CAMTA1: variants seen among roughly 807,000 people sequenced by gnomAD.
CAMTA1 encodes the protein calmodulin-binding transcription activator 1.
A neutral mutation model predicts 170.9 loss-of-function variants in CAMTA1; 27 were observed. That is an observed-to-expected ratio of 0.16 (90% CI 0.12 to 0.22). The LOEUF (loss-of-function observed/expected upper bound fraction) is 0.22. Ranked by LOEUF, CAMTA1 falls within the 10% of genes least tolerant of loss-of-function variation. The probability of loss-of-function intolerance (pLI) is 1.00; values close to 1 mark genes in which losing one functional copy is unlikely to be tolerated. For missense variants in CAMTA1, 1,619 were observed against 2,217.2 expected (o/e 0.73, Z 5.42); for synonymous variants, 833 against 891.5 (o/e 0.93, Z 1.17).
chr1:7,501,874 A>T (rs1289326510), intron 6 of CAMTA1, among the ~76,000 whole-genome samples: 2 of 152,116 alleles, frequency 1.3e-5, no homozygotes, highest in African/African-American at 4.8e-5. Flanking sequence ...CCGGCAGCTC[A>T]GTGGGGGCTC....
chr1:7,677,030 C>G (rs542477330), intron 10 of CAMTA1, among the ~76,000 whole-genome samples: 1 of 152,280 alleles, frequency 6.6e-6, no homozygotes, highest in Non-Finnish European at 1.5e-5. Context: ...CATCAGCATC[C>G]CCAGCTCAAC....
chr1:7,212,961 G>A (rs561025289), intron 4 of CAMTA1, among the ~76,000 whole-genome samples: 9 of 152,142 alleles, frequency 5.9e-5, no homozygotes, highest in Non-Finnish European at 1.3e-4. Flanking sequence ...TTTTATTGCT[G>A]AGTGATGTAC....
chr1:7,274,912 C>T (rs549880759), intron 5 of CAMTA1, among the ~76,000 whole-genome samples: 12 of 152,052 alleles, frequency 7.9e-5, no homozygotes, highest in South Asian at 6.2e-4. Context: ...GAGGCCAAAG[C>T]GGGCAAATCA....
intron 5 of CAMTA1, among the ~76,000 whole-genome samples, chr1:7,259,073 C>G (rs1667815113): frequency 6.6e-6 from 1 of 152,152 alleles, no homozygotes; most frequent in Non-Finnish European, 1.5e-5. Flanking sequence ...CACGCAGCAG[C>G]TCTGGTGAGG....
At chr1:7,284,291 C>T (rs940347825) in intron 5 of CAMTA1, among the ~76,000 whole-genome samples, 8 of 151,360 alleles carry the variant, frequency 5.3e-5, no homozygotes, top group African/African-American at 1.9e-4. Context: ...GCAACCTTTG[C>T]CTCCCGGGTT....
Position 7,124,516 on chromosome 1 carries a change from C to T in CAMTA1, c.302+33145C>T, listed in dbSNP as rs745309023. ...GGATGGCCCTTCTGCAATGGGAACT[C>T]GTGCCCTAGACGCTTATCCTCTATC... On this transcript the variant is annotated intron_variant, in intron 4 of 22. Coordinates refer to ENST00000303635, the MANE Select transcript of CAMTA1 (RefSeq NM_015215.4). 2.6e-5 allele frequency among the ~76,000 whole-genome samples: 4 copies of T among 152,240 alleles called. No homozygotes were observed. The South Asian group carries it at 6.2e-4, about 24-fold the overall frequency.
At chr1:6,812,319 G>A (rs539086697) in intron 1 of CAMTA1, among the ~76,000 whole-genome samples, 1 of 152,248 alleles carries the variant, frequency 6.6e-6, no homozygotes, top group South Asian at 2.1e-4. Flanking sequence ...ATGTCTTGGT[G>A]TCTCCATTTC....
intron 5 of CAMTA1, among the ~76,000 whole-genome samples, chr1:7,450,799 C>G (rs1038943922): frequency 1.3e-5 from 2 of 152,222 alleles, no homozygotes; most frequent in Non-Finnish European, 2.9e-5. Flanking sequence ...GCCCGCGGAC[C>G]CATCACAAGG....
intron 3 of CAMTA1, among the ~76,000 whole-genome samples, chr1:6,897,995 T>C (rs1449663461): frequency 1.3e-5 from 2 of 152,226 alleles, no homozygotes; most frequent in Non-Finnish European, 2.9e-5. Context: ...TTGCAGACAC[T>C]GTGTTTAGTG....
intron 5 of CAMTA1, among the ~76,000 whole-genome samples, chr1:7,447,332 A>G (rs1483609431): frequency 6.6e-6 from 1 of 150,476 alleles, no homozygotes; most frequent in African/African-American, 2.4e-5. Context: ...ATGGCATGAC[A>G]CCGTCTGGAG....
chr1:7,411,208 G>A (rs545034290), intron 5 of CAMTA1, among the ~76,000 whole-genome samples: 5 of 152,266 alleles, frequency 3.3e-5, no homozygotes, highest in South Asian at 2.1e-4. Flanking sequence ...TGGAGGGGCC[G>A]CGTCGGACCC....
At chr1:7,523,924 C>T (rs759914096) in intron 6 of CAMTA1, among the ~76,000 whole-genome samples, 2 of 151,268 alleles carry the variant, frequency 1.3e-5, no homozygotes, top group East Asian at 1.9e-4. Context: ...TTTTCTTGGC[C>T]GGGTGCAGTG....
At position 7,348,708 on chromosome 1, in the gene CAMTA1, G is replaced by C. The variant is rs907332085; in HGVS notation, c.438+99082G>C. Among the ~76,000 whole-genome samples the C allele has an allele frequency of 1.4e-3, 219 of 152,284 alleles. 1 individual carries two copies. The highest frequency in any genetic ancestry group is 4.8e-3 in the African/African-American group (198 of 41,540). Reference sequence around the variant, plus strand: ...GAACCTGGAGAAAAAGCAGCCACAGGGGGTGTTCGGCTTCAATCCAGGTCC... The same window carrying C: ...GAACCTGGAGAAAAAGCAGCCACAGCGGGTGTTCGGCTTCAATCCAGGTCC... On this transcript the variant is annotated intron_variant, in intron 5 of 22. Coordinates refer to ENST00000303635, the MANE Select transcript of CAMTA1 (RefSeq NM_015215.4).
intron 5 of CAMTA1, among the ~76,000 whole-genome samples, chr1:7,384,023 G>A (rs2087655744): frequency 6.6e-6 from 1 of 152,142 alleles, no homozygotes; most frequent in Non-Finnish European, 1.5e-5. Flanking sequence ...CCTTCCCACT[G>A]AAACACAGGA....
chr1:7,401,161 C>G (rs904608346), intron 5 of CAMTA1, among the ~76,000 whole-genome samples: 1 of 152,178 alleles, frequency 6.6e-6, no homozygotes, highest in African/African-American at 2.4e-5. Flanking sequence ...TGTCTATGAT[C>G]TGCTTTGCAT....
chr1:7,160,753 C>G (rs908571581), intron 4 of CAMTA1, among the ~76,000 whole-genome samples: 1 of 152,194 alleles, frequency 6.6e-6, no homozygotes, highest in Non-Finnish European at 1.5e-5. Flanking sequence ...AGTTTCAGAA[C>G]AGTAACCCCA....
chr1:7,331,236 C>CA (rs1320931475), intron 5 of CAMTA1, among the ~76,000 whole-genome samples: 2 of 152,100 alleles, frequency 1.3e-5, no homozygotes, highest in East Asian at 1.9e-4. Flanking sequence ...GAGACTCCAC[C>CA]AAAAAACAAA....
intron 6 of CAMTA1, among the ~76,000 whole-genome samples, chr1:7,477,741 G>T (rs1470598365): frequency 6.6e-6 from 1 of 152,172 alleles, no homozygotes; most frequent in South Asian, 2.1e-4. Context: ...TTTCTCAGAG[G>T]GTCCCCTTGC....
At chr1:6,842,727 G>T (rs1656365548) in intron 3 of CAMTA1, among the ~76,000 whole-genome samples, 1 of 152,168 alleles carries the variant, frequency 6.6e-6, no homozygotes, top group South Asian at 2.1e-4. Flanking sequence ...TTCGAGACCA[G>T]CCTGGCCAAC....
Sources: gnomAD v4.1 joint callset for allele counts (sites outside exome capture counted in the v4.1 genomes callset) on GRCh38, gnomAD v4.1.1 for gene constraint, MANE v1.5 for transcripts, NCBI Gene and HGNC (gene_info 2026-07-23, HGNC 2026-07-21) for gene names.